MCM9: variants seen among roughly 807,000 people sequenced by gnomAD.
The protein encoded by MCM9 is DNA helicase MCM9.
In MCM9, 55 loss-of-function variants were observed where a neutral mutation model predicts 72.8. That is an observed-to-expected ratio of 0.76 (90% CI 0.61 to 0.95). The LOEUF is 0.95. Ranked by LOEUF, MCM9 falls within the 40% of genes least tolerant of loss-of-function variation. The probability of loss-of-function intolerance (pLI) is 0.00; values close to 1 mark genes in which losing one functional copy is unlikely to be tolerated. For missense variants in MCM9, 1,279 were observed against 1,377.0 expected (o/e 0.93, Z 1.13); for synonymous variants, 480 against 503.4 (o/e 0.95, Z 0.62).
chr6:118,881,277 C>T (rs1778270734), intron 8 of MCM9, among the ~76,000 whole-genome samples: 1 of 152,070 alleles, frequency 6.6e-6, no homozygotes, highest in South Asian at 2.1e-4. Context: ...CTGAGCCCCA[C>T]CTTTTTCAAT....
At chr6:118,927,969 C>G (rs921025577) in intron 3 of MCM9, among the ~76,000 whole-genome samples, 1 of 152,212 alleles carries the variant, frequency 6.6e-6, no homozygotes, top group Non-Finnish European at 1.5e-5. Flanking sequence ...CAAATCTGGA[C>G]TGGACTATAG....
chr6:118,911,353 T>A, intron 8 of MCM9: 1 of 1,091,822 alleles, frequency 9.2e-7, no homozygotes, highest in Non-Finnish European at 1.1e-6. Flanking sequence ...AGTTGCTGAG[T>A]CTTGATAAAA....
chr6:118,852,236 C>T lies in MCM9; in HGVS notation c.1325+4135G>A, dbSNP rs189772559. ...TGAGACCACCATCATATATGTGGTC[C>T]ATCACTGGCAAAAATGTTATGTGGC... On this transcript the variant is annotated intron_variant, in intron 9 of 13. Transcript: ENST00000619706. Among the ~76,000 whole-genome samples, 16 of 152,212 alleles carry T rather than the reference C, an allele frequency of 1.1e-4. 1 individual carries two copies. The highest frequency in any genetic ancestry group is 7.8e-4 in the Admixed American group (12 of 15,294).
At chr6:118,891,470 C>G (rs1201595129) in intron 8 of MCM9, among the ~76,000 whole-genome samples, 1 of 152,096 alleles carries the variant, frequency 6.6e-6, no homozygotes, top group Non-Finnish European at 1.5e-5. Flanking sequence ...GCTAGAAATC[C>G]AAGATCAAGG....
At chr6:118,870,816 A>G (rs956527705) in intron 8 of MCM9, among the ~76,000 whole-genome samples, 2 of 152,162 alleles carry the variant, frequency 1.3e-5, no homozygotes, top group Non-Finnish European at 2.9e-5. Flanking sequence ...ATAAGAGACT[A>G]CTCTGAACAA....
chr6:118,815,939 C>T lies in MCM9; in HGVS notation c.2317G>A (p.Ala773Thr). ...PHPKTSGENM[A>T]SKISNSTSQG... The stretch of plus-strand genomic sequence containing the variant: ...GATGTGCTGTTAGAGATCTTCGAAG[C>T]CATATTTTCTCCAGATGTTTTGGGA... Residue 773 changes from alanine (A) to threonine (T), a missense_variant, in exon 14 of 14, where the codon GCT becomes ACT. Transcript: ENST00000619706. The T allele has an allele frequency of 1.3e-6, 2 of 1,549,932 alleles. No individual in the cohort carries two copies. Among genetic ancestry groups the T allele is most frequent in the East Asian group, 2.4e-5 (1 of 40,926 alleles).
intron 7 of MCM9, chr6:118,913,063 C>A (rs1780670588): frequency 4.3e-6 from 2 of 470,402 alleles, no homozygotes; most frequent in Non-Finnish European, 7.4e-6. Context: ...TAGGCTATAG[C>A]AAAAGTATAT....
chr6:118,925,795 A>G (rs7766260), intron 3 of MCM9, among the ~76,000 whole-genome samples: 130,712 of 152,198 alleles, frequency 0.86, 56,294 homozygotes, highest in African/African-American at 0.93. Context: ...ACAGCCCAGA[A>G]ATCTCTCTCT....
intron 8 of MCM9, among the ~76,000 whole-genome samples, chr6:118,879,065 A>G (rs892911362): frequency 6.6e-5 from 10 of 152,148 alleles, no homozygotes; most frequent in African/African-American, 2.2e-4. Context: ...CAAAAACAAA[A>G]CAAAACAGAC....
chr6:118,851,671 C>T (rs765953122), intron 9 of MCM9, among the ~76,000 whole-genome samples: 10 of 151,724 alleles, frequency 6.6e-5, no homozygotes, highest in Middle Eastern at 3.4e-3. Flanking sequence ...AAAATTCTTA[C>T]GTAAATGTAA....
rs1781642459 is a variant in MCM9 at position 118,923,851 on chromosome 6, G to A, written c.581C>T (p.Thr194Ile). Residue 194 changes from threonine (T) to isoleucine (I), a missense_variant, in exon 4 of 14, where the codon ACC (threonine) becomes ATC (isoleucine). By Grantham distance (89) the Thr-to-Ile change is moderately conservative (BLOSUM62 -1). Coordinates refer to ENST00000619706, the MANE Select transcript of MCM9 (RefSeq NM_017696.3). ...TCLSGLSSSP[T>I]RCRDYQEIKI... ...GATTTCCTGGTAATCTCTACACCTG[G>A]TTGGAGACGAAGACAAGCCTGAGAG... 1.2e-6 allele frequency: 2 copies of A among 1,613,978 alleles called. No individual in the cohort carries two copies. The highest frequency in any genetic ancestry group is 1.7e-5 in the Admixed American group (1 of 59,996).
At chr6:118,882,411 T>C (rs1488942810) in intron 8 of MCM9, among the ~76,000 whole-genome samples, 1 of 152,208 alleles carries the variant, frequency 6.6e-6, no homozygotes, top group African/African-American at 2.4e-5. Context: ...GGTAGCTCTA[T>C]TACAGCTGTA....
chr6:118,879,397 A>G (rs1041688122), intron 8 of MCM9, among the ~76,000 whole-genome samples: 1 of 152,246 alleles, frequency 6.6e-6, no homozygotes, highest in South Asian at 2.1e-4. Context: ...AGCTATACTA[A>G]TATCAGTCAA....
chr6:118,921,946 T>G (rs1242531786), intron 5 of MCM9, 59 bp downstream of exon 5: 1 of 1,336,322 alleles, frequency 7.5e-7, no homozygotes, highest in Non-Finnish European at 1.1e-6. Flanking sequence ...AAGTGGCTTT[T>G]CCTAATCAAT....
At chr6:118,894,646 A>T in intron 8 of MCM9, 2 of 832,824 alleles carry the variant, frequency 2.4e-6, no homozygotes, top group Non-Finnish European at 3.7e-6. Context: ...TGCTCTGCGG[A>T]GGGAAACTTG....
At chr6:118,896,938 A>G (rs1376191167) in intron 8 of MCM9, among the ~76,000 whole-genome samples, 1 of 152,130 alleles carries the variant, frequency 6.6e-6, no homozygotes, top group Non-Finnish European at 1.5e-5. Flanking sequence ...CCTGGGCTTA[A>G]GCAATCCTCC....
intron 8 of MCM9, among the ~76,000 whole-genome samples, chr6:118,899,032 AC>A (rs1779624717): frequency 6.6e-6 from 1 of 151,210 alleles, no homozygotes; most frequent in African/African-American, 2.4e-5. Context: ...ACCCCACATC[AC>A]CTCCCTGCAA....
At chr6:118,839,271 C>T (rs775665676) in intron 9 of MCM9, among the ~76,000 whole-genome samples, 3 of 151,750 alleles carry the variant, frequency 2.0e-5, no homozygotes, top group South Asian at 2.1e-4. Flanking sequence ...TTTTCAGCTC[C>T]GTCAGGTCAT....
At chr6:118,906,064 A>G (rs771252104) in intron 8 of MCM9, among the ~76,000 whole-genome samples, 2 of 152,106 alleles carry the variant, frequency 1.3e-5, no homozygotes, top group Non-Finnish European at 2.9e-5. Context: ...TCTGGTTTAG[A>G]AAAATGAAAG....
Sources: gnomAD v4.1 joint callset for allele counts (sites outside exome capture counted in the v4.1 genomes callset) on GRCh38, gnomAD v4.1.1 for gene constraint, MANE v1.5 for transcripts, NCBI Gene and HGNC (gene_info 2026-07-23, HGNC 2026-07-21) for gene names.